SEC16B: variants seen among roughly 807,000 people sequenced by gnomAD.
SEC16B encodes SEC16 homolog B, endoplasmic reticulum export factor, also known as protein transport protein Sec16B.
In SEC16B, 115 loss-of-function variants were observed where a neutral mutation model predicts 141.8. The observed-to-expected ratio is 0.81, with a 90% CI of 0.70 to 0.95. The LOEUF (loss-of-function observed/expected upper bound fraction) is 0.95, where lower values mean the gene tolerates loss of function less well. SEC16B is among the 40% of genes least tolerant of loss of function. The pLI is 0.00. For missense variants in SEC16B, 1,291 were observed against 1,312.3 expected (o/e 0.98, Z 0.25); for synonymous variants, 493 against 492.5 (o/e 1.00, Z -0.01).
Position 177,936,329 on chromosome 1 carries a change from G to A in SEC16B, c.2540C>T (p.Pro847Leu). The A allele has an allele frequency of 6.2e-7, 1 of 1,611,244 alleles. No homozygotes were observed. Among genetic ancestry groups the A allele is most frequent in the Non-Finnish European group, 8.5e-7 (1 of 1,178,860 alleles). ...TTTGGAAATGACCTCTTGGCCATCA[G>A]GAGGCTGGGAAGTTTCTTGAGACAC... ...NTVSQETSQP[P>L]DGQEVISKPQ... Residue 847 changes from proline to leucine, a missense_variant, in exon 20 of 26, where the codon CCT (proline) becomes CTT (leucine). Around this residue, in one of 3 missense-constraint regions of SEC16B, gnomAD observed 605 missense variants for 614.1 expected, o/e 0.99. Coordinates refer to ENST00000308284, the MANE Select transcript of SEC16B (RefSeq NM_033127.4).
chr1:177,966,492 A>G (rs1653528193), intron 2 of SEC16B, among the ~76,000 whole-genome samples: 1 of 152,184 alleles, frequency 6.6e-6, no homozygotes, highest in Non-Finnish European at 1.5e-5. Context: ...TGTCCTGAAC[A>G]CGCCTCTCTT....
At chr1:177,944,309 C>T (rs1217404464) in intron 15 of SEC16B, among the ~76,000 whole-genome samples, 3 of 152,154 alleles carry the variant, frequency 2.0e-5, no homozygotes, top group South Asian at 2.1e-4. Flanking sequence ...GCAGGCAGGA[C>T]GTTCAAACAT....
intron 19 of SEC16B, among the ~76,000 whole-genome samples, chr1:177,936,971 C>T (rs1290159899): frequency 6.6e-6 from 1 of 152,144 alleles, no homozygotes; most frequent in Non-Finnish European, 1.5e-5. Flanking sequence ...CTCCATTTGC[C>T]CTGCTGTACC....
intron 10 of SEC16B, among the ~76,000 whole-genome samples, chr1:177,957,302 T>C (rs891476909): frequency 4.6e-5 from 7 of 151,996 alleles, no homozygotes; most frequent in Non-Finnish European, 1.0e-4. Flanking sequence ...TAAAATATGA[T>C]ACATTAATAT....
At chr1:177,957,543 T>C (rs1232393493) in intron 10 of SEC16B, among the ~76,000 whole-genome samples, 1 of 152,174 alleles carries the variant, frequency 6.6e-6, no homozygotes, top group Non-Finnish European at 1.5e-5. Flanking sequence ...ATAGTAGGTA[T>C]ATATATTTAT....
Position 177,937,205 on chromosome 1 carries a change from A to T in SEC16B, c.2503+9T>A. On this transcript the variant is annotated intron_variant, in intron 19 of 25. Coordinates refer to ENST00000308284, the MANE Select transcript of SEC16B (RefSeq NM_033127.4). ...ATTCAATGTGGCCACCCTAGCGGCC[A>T]GGTCTTACCAGGGCCCAGGTGTGTC... is the stretch of plus-strand genomic sequence containing the variant. 2.5e-6 allele frequency: 4 copies of T among 1,601,136 alleles called. No individual in the cohort carries two copies. Among genetic ancestry groups the T allele is most frequent in the Non-Finnish European group, 3.4e-6 (4 of 1,173,542 alleles).
chr1:177,964,346 G>A (rs1191455574), intron 4 of SEC16B, 67 bp from the exon 5 acceptor site: 20 of 1,164,362 alleles, frequency 1.7e-5, no homozygotes, highest in Middle Eastern at 2.0e-4. Flanking sequence ...GGCACTCTCC[G>A]CCGGAAGCTG....
chr1:177,948,740 G>T, intron 12 of SEC16B: 1 of 1,183,606 alleles, frequency 8.4e-7, no homozygotes, highest in Non-Finnish European at 1.1e-6. Flanking sequence ...CATCTTACTA[G>T]CTTACCTACC....
chr1:177,956,052 A>G (rs1180847349), intron 10 of SEC16B, among the ~76,000 whole-genome samples: 1 of 152,268 alleles, frequency 6.6e-6, no homozygotes, highest in African/African-American at 2.4e-5. Flanking sequence ...CTAAAGGCCA[A>G]ATCCAGCACA....
chr1:177,955,014 C>A (rs1229404450), intron 10 of SEC16B, among the ~76,000 whole-genome samples: 2 of 151,806 alleles, frequency 1.3e-5, no homozygotes, highest in African/African-American at 2.4e-5. Context: ...AATATGACCC[C>A]CAGAAACTTA....
upstream of SEC16B, among the ~76,000 whole-genome samples, chr1:177,974,723 A>G (rs553647954): frequency 1.1e-4 from 16 of 152,344 alleles, no homozygotes; most frequent in South Asian, 3.3e-3. Context: ...TACTCTTTCC[A>G]GAACCCTAGA....
At chr1:177,973,368 G>T (rs1230570137), upstream of SEC16B, 1 of 152,200 alleles carries the variant, frequency 6.6e-6, no homozygotes, top group Non-Finnish European at 1.5e-5. Flanking sequence ...GTTATCAGTA[G>T]TTATCCACCA....
intron 10 of SEC16B, among the ~76,000 whole-genome samples, chr1:177,957,345 C>A (rs550784179): frequency 6.6e-6 from 1 of 151,546 alleles, no homozygotes. Context: ...TTTTAAATGG[C>A]GCTATTGGGG....
rs367699509 is a variant in SEC16B, at chr1:177,964,134, G to A, written c.642+37C>T. 4.8e-6 allele frequency: 7 copies of A among 1,471,048 alleles called. No homozygotes were observed. The African/African-American group carries it at 9.7e-5, about 20-fold the overall frequency. The allele number at this position is 1,471,048 out of a possible 1,614,324, so 91.1% of individuals were successfully genotyped here. A position where few individuals can be genotyped will look rare whatever the true frequency, so the allele number is the denominator to read the frequency against. On this transcript the variant is annotated intron_variant, in intron 5 of 25. Coordinates refer to ENST00000308284, the MANE Select transcript of SEC16B (RefSeq NM_033127.4). ...GCTGACAGTGTCAGCTGCGACACAT[G>A]GCCACAGTCTCCAGCCCCCACGTCA...
In SEC16B at chr1:177,967,902, A is replaced by G. The variant is rs1319944386; in HGVS notation, c.80T>C (p.Phe27Ser). The G allele has an allele frequency of 6.2e-7, 1 of 1,613,900 alleles. No individual in the cohort carries two copies. The highest frequency in any genetic ancestry group is 8.5e-7 in the Non-Finnish European group (1 of 1,179,852). ...TAPSKDPDRG[F>S]RRDGHHRPVP... The stretch of plus-strand genomic sequence containing the variant: ...AGGCCGATGATGTCCATCTCTCCGA[A>G]ACCCTCGGTCTGGATCCTTTGAGGG... Residue 27 changes from phenylalanine (F) to serine (S), a missense_variant, in exon 2 of 26, where the codon TTT (phenylalanine) becomes TCT (serine). Phe to Ser is a radical substitution (Grantham distance 155, BLOSUM62 -2). Transcript: ENST00000308284.
chr1:177,978,114 C>A (rs1654249492), intron 1 of SEC16B, among the ~76,000 whole-genome samples: 1 of 152,186 alleles, frequency 6.6e-6, no homozygotes, highest in Admixed American at 6.5e-5. Flanking sequence ...TCAGGCTTTG[C>A]AGTCAGAATT....
At chr1:177,981,554 T>C (rs1654418476) in intron 1 of SEC16B, among the ~76,000 whole-genome samples, 1 of 152,202 alleles carries the variant, frequency 6.6e-6, no homozygotes, top group African/African-American at 2.4e-5. Context: ...CCTCATGTTG[T>C]AGGCATTAGG....
Position 177,964,217 on chromosome 1 carries a change from C to A in SEC16B, c.596G>T (p.Gly199Val), listed in dbSNP as rs1289331512. ...PASNSGQEWP[G>V]ELFPGSLLAE... ...AAGCAGGCTCCCTGGAAACAGCTCC[C>A]CCGGCCACTCCTGTCCAGAGTTGGA... Residue 199 changes from glycine (G) to valine (V), a missense_variant, in exon 5 of 26, where the codon GGG becomes GTG. Gly to Val is a moderately radical substitution (Grantham distance 109). This residue lies in a region of SEC16B where 681 missense variants were observed against 675.5 expected (regional missense o/e 1.01). Coordinates refer to ENST00000308284, the MANE Select transcript of SEC16B (RefSeq NM_033127.4). 3.7e-6 allele frequency: 6 copies of A among 1,613,594 alleles called. No homozygotes were observed. The highest frequency in any genetic ancestry group is 5.1e-6 in the Non-Finnish European group (6 of 1,179,750).
chr1:177,980,022 G>C (rs1185611183), intron 1 of SEC16B, among the ~76,000 whole-genome samples: 2 of 152,186 alleles, frequency 1.3e-5, no homozygotes, highest in Admixed American at 1.3e-4. Flanking sequence ...CATTACAAGG[G>C]AGATGGCTAA....
Sources: gnomAD v4.1 joint callset for allele counts (sites outside exome capture counted in the v4.1 genomes callset) on GRCh38, gnomAD v4.1.1 for gene constraint, gnomAD v4.1.1 regional missense constraint, MANE v1.5 for transcripts, NCBI Gene and HGNC (gene_info 2026-07-23, HGNC 2026-07-21) for gene names.